TNRC6A: variants seen among roughly 807,000 people sequenced by gnomAD.
The protein encoded by TNRC6A is trinucleotide repeat-containing gene 6A protein.
Under a neutral mutation model 221.2 loss-of-function variants are expected in TNRC6A, and 44 were observed. That is an observed-to-expected ratio of 0.20 (90% CI 0.16 to 0.26). The LOEUF (loss-of-function observed/expected upper bound fraction) is 0.26. TNRC6A is among the 10% of genes least tolerant of loss of function. The pLI, the probability that TNRC6A is intolerant of heterozygous loss-of-function variation, is 1.00. For synonymous variants in TNRC6A, 847 were observed against 838.5 expected, an observed-to-expected ratio of 1.01 and a Z score of -0.18; for missense variants, 2,199 against 2,404.4, an observed-to-expected ratio of 0.91 and a Z score of 1.79.
intron 2 of TNRC6A, among the ~76,000 whole-genome samples, chr16:24,653,030 T>C (rs1435287208): frequency 6.6e-6 from 1 of 152,200 alleles, no homozygotes; most frequent in Non-Finnish European, 1.5e-5. Context: ...AACCATTTTC[T>C]AAATTGAAAT....
At chr16:24,752,002 A>G (rs2057147768) in intron 3 of TNRC6A, among the ~76,000 whole-genome samples, 1 of 152,116 alleles carries the variant, frequency 6.6e-6, no homozygotes, top group African/African-American at 2.4e-5. Context: ...TGCTTGGGGG[A>G]AAGGGAGGGA....
At chr16:24,755,967 TA>T (rs2057241642) in intron 3 of TNRC6A, among the ~76,000 whole-genome samples, 1 of 152,170 alleles carries the variant, frequency 6.6e-6, no homozygotes, top group African/African-American at 2.4e-5. Flanking sequence ...TTGACCCTCA[TA>T]ATAACCCTGA....
intron 11 of TNRC6A, among the ~76,000 whole-genome samples, chr16:24,801,007 A>G (rs2058320807): frequency 6.6e-6 from 1 of 152,252 alleles, no homozygotes; most frequent in African/African-American, 2.4e-5. Context: ...GAGCTGAGAG[A>G]CAATAAATCA....
intron 1 of TNRC6A, among the ~76,000 whole-genome samples, chr16:24,615,335 C>A (rs944692937): frequency 9.9e-5 from 15 of 152,100 alleles, no homozygotes; most frequent in Non-Finnish European, 1.8e-4. Context: ...GCCCAGTAGA[C>A]TTGAGATCCC....
Position 24,794,663 on chromosome 16 carries a change from CAAG to C in TNRC6A, c.3474_3476del (p.Glu1159del). On this transcript the variant is annotated inframe_deletion, in exon 8 of 25. Coordinates refer to ENST00000395799, the MANE Select transcript of TNRC6A (RefSeq NM_014494.4). ...TGGAATGTGGAATAGTAATTCATCT[CAAG>C]AGCTTAACTCATCTTTAAATTGGCC... 2 of 1,613,824 alleles carry C rather than the reference CAAG, an allele frequency of 1.2e-6. No individual in the cohort carries two copies. Among genetic ancestry groups the C allele is most frequent in the South Asian group, 2.2e-5 (2 of 91,008 alleles).
At chr16:24,771,715 C>T (rs1279400541) in intron 4 of TNRC6A, among the ~76,000 whole-genome samples, 2 of 152,060 alleles carry the variant, frequency 1.3e-5, no homozygotes, top group African/African-American at 4.8e-5. Context: ...CTACAGACAT[C>T]TGCTGCTGTG....
intron 10 of TNRC6A, 120 bp downstream of exon 10, chr16:24,797,690 A>G (rs1467220259): frequency 3.1e-6 from 3 of 978,090 alleles, no homozygotes; most frequent in South Asian, 4.0e-5. Context: ...ACTTGATGTT[A>G]GAGTAAAATC....
chr16:24,729,301 ATTTTTTTTTT>A (rs60592267), upstream of TNRC6A, among the ~76,000 whole-genome samples: 3 of 94,616 alleles, frequency 3.2e-5, no homozygotes, highest in Non-Finnish European at 6.1e-5. Flanking sequence ...GTTTTAGGCA[ATTTTTTTTTT>A]TTTTTTTTTT....
chr16:24,815,034 C>T (rs2058626927), intron 18 of TNRC6A, 113 bp from the exon 19 acceptor site: 2 of 1,189,142 alleles, frequency 1.7e-6, no homozygotes, highest in Admixed American at 4.7e-5. Flanking sequence ...CTAGAGAACA[C>T]AGCCTAGAGC....
chr16:24,616,282 C>T (rs370595314), intron 1 of TNRC6A, among the ~76,000 whole-genome samples: 16 of 144,714 alleles, frequency 1.1e-4, no homozygotes, highest in South Asian at 1.1e-3. Context: ...GCTGAGGTTG[C>T]GCCACTGCAC....
intron 4 of TNRC6A, among the ~76,000 whole-genome samples, chr16:24,769,780 G>C (rs992071472): frequency 1.3e-5 from 2 of 151,930 alleles, no homozygotes; most frequent in Non-Finnish European, 2.9e-5. Flanking sequence ...TTCTTTACTG[G>C]TTCTTCATTA....
intron 5 of TNRC6A, among the ~76,000 whole-genome samples, chr16:24,778,638 A>G (rs541879716): frequency 6.6e-5 from 10 of 152,172 alleles, no homozygotes; most frequent in Non-Finnish European, 1.3e-4. Context: ...ACCCAACCCT[A>G]TAAGGCTGCT....
At chr16:24,704,340 C>A (rs938994226) in intron 2 of TNRC6A, among the ~76,000 whole-genome samples, 22 of 151,896 alleles carry the variant, frequency 1.4e-4, no homozygotes, top group African/African-American at 4.8e-4. Context: ...TACATTGTGA[C>A]ATGATTCTGT....
intron 2 of TNRC6A, among the ~76,000 whole-genome samples, chr16:24,706,324 T>TA (rs2056092108): frequency 6.6e-6 from 1 of 152,144 alleles, no homozygotes; most frequent in African/African-American, 2.4e-5. Context: ...CAAGTGAGGC[T>TA]AGCCAGGAAA....
At chr16:24,642,736 C>T (rs887397958) in intron 2 of TNRC6A, among the ~76,000 whole-genome samples, 2 of 152,052 alleles carry the variant, frequency 1.3e-5, no homozygotes, top group African/African-American at 4.8e-5. Context: ...AGGAGAATCT[C>T]TTGAACCCGG....
intron 2 of TNRC6A, among the ~76,000 whole-genome samples, chr16:24,686,761 G>A (rs1007202790): frequency 3.9e-5 from 6 of 152,202 alleles, no homozygotes; most frequent in African/African-American, 1.4e-4. Context: ...CTCTGCAGGG[G>A]TGGTATGGCG....
intron 1 of TNRC6A, among the ~76,000 whole-genome samples, chr16:24,633,250 C>T (rs995729366): frequency 1.3e-5 from 2 of 152,144 alleles, no homozygotes; most frequent in Non-Finnish European, 2.9e-5. Flanking sequence ...AAGATCTCAG[C>T]TCAGAGTATT....
chr16:24,766,537 G>T (rs560924114), intron 4 of TNRC6A, among the ~76,000 whole-genome samples: 1 of 152,162 alleles, frequency 6.6e-6, no homozygotes, highest in Non-Finnish European at 1.5e-5. Context: ...TCACAGTGCA[G>T]TGCAAGGAAT....
intron 2 of TNRC6A, among the ~76,000 whole-genome samples, chr16:24,735,938 G>C (rs562661213): frequency 2.0e-5 from 3 of 152,164 alleles, no homozygotes; most frequent in African/African-American, 7.2e-5. Flanking sequence ...GCCGAGGTGG[G>C]CAGATCACTG....
Sources: gnomAD v4.1 joint callset for allele counts (sites outside exome capture counted in the v4.1 genomes callset) on GRCh38, gnomAD v4.1.1 for gene constraint, MANE v1.5 for transcripts, NCBI Gene and HGNC (gene_info 2026-07-23, HGNC 2026-07-21) for gene names.